FAM83B: variants seen among roughly 807,000 people sequenced by gnomAD.
FAM83B encodes protein FAM83B.
Under a neutral mutation model 38.8 loss-of-function variants are expected in FAM83B, and 26 were observed. The ratio of observed to expected loss-of-function variants is 0.67; its 90% confidence interval spans 0.49 to 0.93. The LOEUF (loss-of-function observed/expected upper bound fraction) is 0.93. FAM83B is among the 40% of genes least tolerant of loss of function. The pLI is 0.00. For missense variants in FAM83B, 1,237 were observed against 1,197.3 expected (o/e 1.03, Z -0.49); for synonymous variants, 419 against 423.1 (o/e 0.99, Z 0.12).
At chr6:54,873,244 T>C (rs1328217286) in intron 2 of FAM83B, among the ~76,000 whole-genome samples, 1 of 151,962 alleles carries the variant, frequency 6.6e-6, no homozygotes, top group Non-Finnish European at 1.5e-5. Flanking sequence ...TATCTTTGCA[T>C]GGAATATGTA....
At chr6:54,877,347 A>G (rs898739697) in intron 2 of FAM83B, among the ~76,000 whole-genome samples, 6 of 152,328 alleles carry the variant, frequency 3.9e-5, no homozygotes, top group Admixed American at 1.3e-4. Context: ...TGTCCTCTCA[A>G]TGAGATGTAA....
chr6:54,913,903 T>TAA (rs948902729), intron 2 of FAM83B, among the ~76,000 whole-genome samples: 13 of 151,550 alleles, frequency 8.6e-5, no homozygotes, highest in African/African-American at 2.2e-4. Flanking sequence ...CTTTTTTTTT[T>TAA]AAAAAAAAGC....
intron 2 of FAM83B, among the ~76,000 whole-genome samples, chr6:54,919,550 T>G (rs1474405329): frequency 6.6e-6 from 1 of 152,080 alleles, no homozygotes; most frequent in African/African-American, 2.4e-5. Context: ...TAAAAGGCTA[T>G]GTACAATGTA....
Position 54,944,431 on chromosome 6 carries a change from C to T in FAM83B, c.*2424C>T, listed in dbSNP as rs1773762238. 1 of 152,132 alleles carries T rather than the reference C, an allele frequency of 6.6e-6. No individual in the cohort carries two copies. Among genetic ancestry groups the T allele is most frequent in the Admixed American group, 6.5e-5 (1 of 15,268 alleles). 9.4% of individuals were successfully genotyped at this position (152,132 alleles called of 1,614,324 possible). ...AAATGGGTATAATTTCAAAGTAGTT[C>T]TTGGCAGATGGCTAGAGAATACTGC... On this transcript the variant is annotated 3_prime_UTR_variant, in exon 5 of 5. Transcript: ENST00000306858.
intron 1 of FAM83B, among the ~76,000 whole-genome samples, chr6:54,858,345 A>G (rs547761166): frequency 3.9e-5 from 6 of 152,308 alleles, no homozygotes; most frequent in African/African-American, 1.2e-4. Context: ...AGTTTTGCCT[A>G]CCTTTAGAGT....
At chr6:54,862,070 C>T (rs1771597794) in intron 1 of FAM83B, among the ~76,000 whole-genome samples, 1 of 152,256 alleles carries the variant, frequency 6.6e-6, no homozygotes, top group African/African-American at 2.4e-5. Flanking sequence ...TCTAAGAAAA[C>T]CCAGGTGGGG....
chr6:54,887,844 A>G (rs986523356), intron 2 of FAM83B, among the ~76,000 whole-genome samples: 2 of 151,728 alleles, frequency 1.3e-5, no homozygotes, highest in Admixed American at 6.6e-5. Context: ...TTTCATCCCT[A>G]TATGTTCAAC....
At chr6:54,853,175 G>A (rs868033701) in intron 1 of FAM83B, among the ~76,000 whole-genome samples, 1 of 152,170 alleles carries the variant, frequency 6.6e-6, no homozygotes, top group African/African-American at 2.4e-5. Flanking sequence ...ACTAGCAGAG[G>A]TTGGTTCCTG....
rs1773742614 is a variant in FAM83B, at chr6:54,943,171, G to A, written c.*1164G>A. 1 of 152,214 alleles carries A rather than the reference G, an allele frequency of 6.6e-6. No homozygotes were observed. Among genetic ancestry groups the A allele is most frequent in the South Asian group, 2.1e-4 (1 of 4,824 alleles). The allele number at this position is 152,214 out of a possible 1,614,324, so 9.4% of individuals were successfully genotyped here. A position where few individuals can be genotyped will look rare whatever the true frequency, so the allele number is the denominator to read the frequency against. On this transcript the variant is annotated 3_prime_UTR_variant, in exon 5 of 5. Transcript: ENST00000306858. The stretch of plus-strand genomic sequence containing the variant: ...CCGCCTCGGCCTCCCAGAGTGCTGG[G>A]ATTACAGGTCTTGCTCTTCTTTAAG...
At chr6:54,929,876 T>C (rs1441229207) in intron 4 of FAM83B, among the ~76,000 whole-genome samples, 1 of 152,094 alleles carries the variant, frequency 6.6e-6, no homozygotes, top group African/African-American at 2.4e-5. Flanking sequence ...AATCAAATAT[T>C]ACTAAAATAT....
At chr6:54,911,419 A>G (rs1772907086) in intron 2 of FAM83B, among the ~76,000 whole-genome samples, 1 of 151,980 alleles carries the variant, frequency 6.6e-6, no homozygotes, top group Non-Finnish European at 1.5e-5. Context: ...TGGGGTTAGG[A>G]GCCTGTTTTA....
intron 4 of FAM83B, among the ~76,000 whole-genome samples, chr6:54,929,023 CTG>C (rs1773368768): frequency 6.6e-6 from 1 of 152,086 alleles, no homozygotes; most frequent in African/African-American, 2.4e-5. Flanking sequence ...ATGATAGTAA[CTG>C]TAGAATTCCT....
intron 2 of FAM83B, among the ~76,000 whole-genome samples, chr6:54,892,467 A>G (rs1053197138): frequency 6.6e-6 from 1 of 151,490 alleles, no homozygotes; most frequent in East Asian, 1.9e-4. Context: ...GTTCCTCTCT[A>G]TATGTCCATG....
At chr6:54,882,225 T>A (rs771620783) in intron 2 of FAM83B, among the ~76,000 whole-genome samples, 2 of 152,218 alleles carry the variant, frequency 1.3e-5, no homozygotes, top group African/African-American at 2.4e-5. Context: ...TGGACTTCTA[T>A]TCTATGATTA....
intron 2 of FAM83B, among the ~76,000 whole-genome samples, chr6:54,920,867 CTAGA>C: frequency 6.6e-6 from 1 of 151,974 alleles, no homozygotes; most frequent in Middle Eastern, 3.4e-3. Context: ...ACTGTTTTGA[CTAGA>C]TATTCTCTTT....
At chr6:54,877,343 C>T (rs1336084699) in intron 2 of FAM83B, among the ~76,000 whole-genome samples, 1 of 152,182 alleles carries the variant, frequency 6.6e-6, no homozygotes, top group African/African-American at 2.4e-5. Context: ...TGTCTGTCCT[C>T]TCAATGAGAT....
chr6:54,931,686 T>C (rs894846863), intron 4 of FAM83B, among the ~76,000 whole-genome samples: 1 of 152,148 alleles, frequency 6.6e-6, no homozygotes, highest in African/African-American at 2.4e-5. Context: ...AGCTTATGTA[T>C]GTCCTTAGAT....
rs1409742976 is a variant in FAM83B at position 54,926,373 on chromosome 6, C to T, written c.447C>T (p.Val149=). The change falls in exon 3 of 5, where the codon GTC becomes GTT. Residue 149 remains valine, a splice_region_variant and synonymous_variant. Transcript: ENST00000306858. ...TTTCATATTCTTATATTTAACAGGTCATTGCTTTAGTGATGGATATATTTA... is the reference window on the plus strand; with the variant it reads ...TTTCATATTCTTATATTTAACAGGTTATTGCTTTAGTGATGGATATATTTA... ...IRKMIKEARK[V]IALVMDIFTD... is the part of the protein sequence containing the mutation. 1 of 1,569,492 alleles carries T rather than the reference C, an allele frequency of 6.4e-7. No homozygotes were observed. The highest frequency in any genetic ancestry group is 8.7e-7 in the Non-Finnish European group (1 of 1,153,302).
At chr6:54,896,122 C>T (rs923918142) in intron 2 of FAM83B, among the ~76,000 whole-genome samples, 21 of 152,074 alleles carry the variant, frequency 1.4e-4, no homozygotes, top group Non-Finnish European at 3.1e-4. Context: ...AAACTCCTGA[C>T]CTCGTGATCC....
Sources: gnomAD v4.1 joint callset for allele counts (sites outside exome capture counted in the v4.1 genomes callset) on GRCh38, gnomAD v4.1.1 for gene constraint, MANE v1.5 for transcripts, NCBI Gene and HGNC (gene_info 2026-07-23, HGNC 2026-07-21) for gene names.